NBAS: variants seen among roughly 807,000 people sequenced by gnomAD.
NBAS encodes the protein NBAS subunit of NRZ tethering complex.
A neutral mutation model predicts 302.5 loss-of-function variants in NBAS; 219 were observed. The observed-to-expected ratio is 0.72, with a 90% CI of 0.65 to 0.81. NBAS has a LOEUF of 0.81. NBAS is among the 30% of genes least tolerant of loss of function. The pLI is 0.00. For synonymous variants in NBAS, 1,118 were observed against 1,021.6 expected, an observed-to-expected ratio of 1.09 and a Z score of -1.80; for missense variants, 2,932 against 2,841.6, an observed-to-expected ratio of 1.03 and a Z score of -0.72.
the NBAS span, among the ~76,000 whole-genome samples, chr2:14,800,936 A>G: frequency 1.3e-5 from 2 of 151,870 alleles, no homozygotes; most frequent in Admixed American, 1.3e-4. Context: ...GTAGTTCTGT[A>G]GGTGATAAAT....
chr2:15,475,765 T>G lies in NBAS; in HGVS notation c.1263A>C (p.Leu421Phe). 1 of 1,614,128 alleles carries G rather than the reference T, an allele frequency of 6.2e-7. No homozygotes were observed. The highest frequency in any genetic ancestry group is 8.5e-7 in the Non-Finnish European group (1 of 1,179,982). The change falls in exon 14 of 52, where the codon TTA becomes TTC. Residue 421 changes from leucine to phenylalanine, a missense_variant. Transcript: ENST00000281513. ...CAAACCATTCACAGGATTTTCCCAG[T>G]AAATTCTTCAAAGTTTTCACAGATG... is the stretch of plus-strand genomic sequence containing the variant. ...TVSSVKTLKN[L>F]LGKSCEWFEP...
chr2:14,932,306 G>A, the NBAS span, among the ~76,000 whole-genome samples: 1 of 152,346 alleles, frequency 6.6e-6, no homozygotes, highest in East Asian at 1.9e-4. Flanking sequence ...CAAAAAGGGA[G>A]CAAGAATGAC....
chr2:14,907,099 A>G, the NBAS span, among the ~76,000 whole-genome samples: 1 of 152,138 alleles, frequency 6.6e-6, no homozygotes, highest in Non-Finnish European at 1.5e-5. Context: ...TTTCTTCACC[A>G]CTATCTTTGG....
At chr2:14,981,976 T>G in the NBAS span, among the ~76,000 whole-genome samples, 217 of 152,310 alleles carry the variant, frequency 1.4e-3, 5 homozygotes, top group East Asian at 0.037. Flanking sequence ...CTGGAATCCA[T>G]GCTTGCCGTA....
chr2:15,182,048 C>T (rs555791767), intron 50 of NBAS, among the ~76,000 whole-genome samples: 2 of 152,326 alleles, frequency 1.3e-5, no homozygotes, highest in African/African-American at 2.4e-5. Flanking sequence ...GCTGGTTCTG[C>T]AGCCCCAGGT....
the NBAS span, among the ~76,000 whole-genome samples, chr2:14,851,353 A>T: frequency 6.6e-6 from 1 of 151,956 alleles, no homozygotes; most frequent in Non-Finnish European, 1.5e-5. Flanking sequence ...ATTCCTCGAC[A>T]CATACACCCT....
chr2:15,447,055 G>T (rs1231297783), intron 21 of NBAS, among the ~76,000 whole-genome samples: 1 of 152,136 alleles, frequency 6.6e-6, no homozygotes, highest in African/African-American at 2.4e-5. Context: ...AACGGGACAA[G>T]TAGTAAACGA....
At chr2:14,911,858 C>T in the NBAS span, among the ~76,000 whole-genome samples, 1 of 152,216 alleles carries the variant, frequency 6.6e-6, no homozygotes, top group Non-Finnish European at 1.5e-5. Context: ...GGGACAGTGA[C>T]ACTACCTAAC....
At chr2:15,321,808 A>C (rs1368750293) in intron 38 of NBAS, among the ~76,000 whole-genome samples, 1 of 152,214 alleles carries the variant, frequency 6.6e-6, no homozygotes, top group Non-Finnish European at 1.5e-5. Flanking sequence ...AAATTAGTTC[A>C]ACCATTGTGG....
intron 26 of NBAS, among the ~76,000 whole-genome samples, chr2:15,399,986 T>C (rs577391276): frequency 1.7e-3 from 252 of 152,258 alleles, no homozygotes; most frequent in African/African-American, 5.8e-3. Context: ...ATTTTCCTAA[T>C]ATGTGACAGT....
intron 19 of NBAS, among the ~76,000 whole-genome samples, chr2:15,463,374 A>G (rs574006116): frequency 1.3e-3 from 196 of 152,300 alleles, no homozygotes; most frequent in African/African-American, 4.5e-3. Flanking sequence ...GATCTCTATC[A>G]TCATCAAAAG....
chr2:15,245,401 C>T (rs1668048163), intron 44 of NBAS, among the ~76,000 whole-genome samples: 1 of 152,132 alleles, frequency 6.6e-6, no homozygotes, highest in African/African-American at 2.4e-5. Context: ...TCTCTTGGGA[C>T]TTCACAAAAA....
chr2:15,510,069 T>G (rs1240006158), intron 10 of NBAS, among the ~76,000 whole-genome samples: 1 of 152,174 alleles, frequency 6.6e-6, no homozygotes, highest in African/African-American at 2.4e-5. Context: ...AGGCTGGTCT[T>G]GAACTCCTGA....
intron 21 of NBAS, among the ~76,000 whole-genome samples, chr2:15,429,045 A>AG (rs34259377): frequency 1.3e-4 from 19 of 151,778 alleles, no homozygotes; most frequent in Admixed American, 7.2e-4. Flanking sequence ...CTCAAAAAAA[A>AG]AAAAAAGAAT....
At chr2:15,038,458 T>A in the NBAS span, among the ~76,000 whole-genome samples, 1 of 152,126 alleles carries the variant, frequency 6.6e-6, no homozygotes, top group African/African-American at 2.4e-5. Flanking sequence ...GATTATTAGA[T>A]AAGAACCAAA....
At chr2:14,976,432 G>A in the NBAS span, among the ~76,000 whole-genome samples, 1 of 152,196 alleles carries the variant, frequency 6.6e-6, no homozygotes, top group South Asian at 2.1e-4. Flanking sequence ...ATATTTCTGA[G>A]AGACATAGGA....
intron 48 of NBAS, among the ~76,000 whole-genome samples, chr2:15,203,870 C>CCG (rs1666000135): frequency 7.8e-6 from 1 of 128,122 alleles, no homozygotes; most frequent in African/African-American, 3.0e-5. Flanking sequence ...GTGTCTGTGT[C>CCG]TGTGTGTGTG....
intron 48 of NBAS, among the ~76,000 whole-genome samples, chr2:15,203,782 T>C (rs761250568): frequency 1.5e-4 from 23 of 151,658 alleles, no homozygotes; most frequent in Non-Finnish European, 2.9e-4. Context: ...GGGCAAAACA[T>C]ATAAAAAGAA....
intron 12 of NBAS, among the ~76,000 whole-genome samples, chr2:15,488,000 TAC>T (rs1260352748): frequency 6.6e-6 from 1 of 152,072 alleles, no homozygotes; most frequent in East Asian, 1.9e-4. Flanking sequence ...AGGAAGAAAA[TAC>T]AGAGTCACTT....
Sources: gnomAD v4.1 joint callset for allele counts (sites outside exome capture counted in the v4.1 genomes callset) on GRCh38, gnomAD v4.1.1 for gene constraint, MANE v1.5 for transcripts, NCBI Gene and HGNC (gene_info 2026-07-23, HGNC 2026-07-21) for gene names.